The following PDE4D variants were observed in gnomAD, a reference collection of about 807,000 sequenced individuals.
PDE4D encodes 3',5'-cyclic-AMP phosphodiesterase 4D.
In PDE4D, 24 loss-of-function variants were observed where a neutral mutation model predicts 87.4. That is an observed-to-expected ratio of 0.27 (90% CI 0.20 to 0.39). The LOEUF (loss-of-function observed/expected upper bound fraction) is 0.39, where lower values mean the gene tolerates loss of function less well. Among genes scored for constraint, PDE4D ranks in the 10% least tolerant of loss-of-function variants. PDE4D has a pLI of 1.00. For synonymous variants in PDE4D, 384 were observed against 383.2 expected (o/e 1.00, Z -0.02); for missense variants, 714 against 1,041.0 (o/e 0.69, Z 4.32).
At chr5:60,492,136 AAAAAG>A (rs1325798775), upstream of PDE4D, among the ~76,000 whole-genome samples, 4 of 152,200 alleles carry the variant, frequency 2.6e-5, no homozygotes, top group African/African-American at 9.6e-5. Context: ...AAAAAAAAAA[AAAAAG>A]AAAATTGTCA....
At chr5:59,255,033 A>G (rs1210604238) in intron 1 of PDE4D, among the ~76,000 whole-genome samples, 3 of 152,124 alleles carry the variant, frequency 2.0e-5, no homozygotes, top group Admixed American at 6.6e-5. Flanking sequence ...TAGAGCTACC[A>G]TTTGTCCCAG....
At position 59,424,972 on chromosome 5, in the gene PDE4D, T is replaced by C. The variant is rs982709384; in HGVS notation, c.456-209004A>G. 3.3e-5 allele frequency among the ~76,000 whole-genome samples: 5 copies of C among 152,202 alleles called. No individual in the cohort carries two copies. In the South Asian group the frequency reaches 6.2e-4, roughly 19 times the overall value. On this transcript the variant is annotated intron_variant, in intron 1 of 14. Coordinates refer to ENST00000340635, the MANE Select transcript of PDE4D (RefSeq NM_001104631.2). ...CCACTACTTGAAAAGCATATCTCAA[T>C]GTTTATTACCTAGTCTGGAGCTACA...
At chr5:60,018,998 C>A (rs1477945348) in intron 2 of PDE4D, among the ~76,000 whole-genome samples, 1 of 152,160 alleles carries the variant, frequency 6.6e-6, no homozygotes, top group African/African-American at 2.4e-5. Flanking sequence ...TAGGTATCTG[C>A]AGAACTCTCC....
chr5:59,847,930 C>T (rs1301779953), intron 1 of PDE4D, among the ~76,000 whole-genome samples: 7 of 151,974 alleles, frequency 4.6e-5, no homozygotes, highest in East Asian at 3.9e-4. Flanking sequence ...ATCTGCTATG[C>T]GGGGCAGGAA....
chr5:59,554,803 T>C (rs80166955), intron 1 of PDE4D, among the ~76,000 whole-genome samples: 4,141 of 152,264 alleles, frequency 0.027, 193 homozygotes, highest in African/African-American at 0.094. Context: ...CTTTTCGATG[T>C]TCCACACCAT....
chr5:60,464,930 C>T (rs889847764), intron 1 of PDE4D, among the ~76,000 whole-genome samples: 1 of 151,924 alleles, frequency 6.6e-6, no homozygotes, highest in African/African-American at 2.4e-5. Flanking sequence ...AGTGAGATCC[C>T]ATCTCTATAA....
intron 1 of PDE4D, among the ~76,000 whole-genome samples, chr5:59,739,414 T>C (rs1561570298): frequency 6.6e-6 from 1 of 152,044 alleles, no homozygotes; most frequent in Admixed American, 6.6e-5. Flanking sequence ...AATGAGACTC[T>C]GTGTCAAAAC....
intron 1 of PDE4D, among the ~76,000 whole-genome samples, chr5:59,345,689 C>T (rs1779501463): frequency 6.6e-6 from 1 of 152,096 alleles, no homozygotes; most frequent in Non-Finnish European, 1.5e-5. Context: ...TTTAAGATGC[C>T]ATCACTGAAA....
intron 1 of PDE4D, among the ~76,000 whole-genome samples, chr5:60,300,382 G>A (rs1343960782): frequency 6.6e-6 from 1 of 151,374 alleles, no homozygotes; most frequent in African/African-American, 2.4e-5. Context: ...TTTTTTTGCT[G>A]TGCAGGGGCT....
chr5:59,675,931 A>G (rs1747997023), intron 1 of PDE4D, among the ~76,000 whole-genome samples: 1 of 152,124 alleles, frequency 6.6e-6, no homozygotes, highest in Admixed American at 6.6e-5. Context: ...GGCTCCAATT[A>G]TCCTTCCACC....
At chr5:60,192,823 C>A (rs1785302268) in intron 1 of PDE4D, among the ~76,000 whole-genome samples, 1 of 152,138 alleles carries the variant, frequency 6.6e-6, no homozygotes, top group Admixed American at 6.5e-5. Flanking sequence ...AGAAAAAATA[C>A]TTAAAAGTTG....
chr5:59,092,231 T>C (rs768392331), intron 5 of PDE4D, among the ~76,000 whole-genome samples: 87 of 152,352 alleles, frequency 5.7e-4, no homozygotes, highest in Non-Finnish European at 1.0e-3. Flanking sequence ...TGGCTGAATA[T>C]TCTTTTCTTC....
At chr5:59,394,433 C>T (rs1788914525) in intron 1 of PDE4D, among the ~76,000 whole-genome samples, 1 of 152,074 alleles carries the variant, frequency 6.6e-6, no homozygotes, top group African/African-American at 2.4e-5. Context: ...TTCTGACAGC[C>T]TGGTATTTTC....
At chr5:59,580,522 A>G (rs1400176637) in intron 1 of PDE4D, among the ~76,000 whole-genome samples, 1 of 152,030 alleles carries the variant, frequency 6.6e-6, no homozygotes, top group African/African-American at 2.4e-5. Flanking sequence ...GCTGGAGTGC[A>G]GTGGCATGAT....
chr5:59,774,504 T>C (rs1283342676), intron 1 of PDE4D, among the ~76,000 whole-genome samples: 2 of 152,124 alleles, frequency 1.3e-5, no homozygotes, highest in Non-Finnish European at 2.9e-5. Context: ...GAGCATATGA[T>C]GTGCTCTTCT....
intron 1 of PDE4D, among the ~76,000 whole-genome samples, chr5:60,357,010 G>A (rs184061874): frequency 7.2e-5 from 11 of 152,240 alleles, no homozygotes; most frequent in Admixed American, 2.6e-4. Context: ...GTTTTTACAG[G>A]TTAGGGAAAA....
At chr5:60,027,064 TTCTC>T (rs1412470967) in intron 2 of PDE4D, among the ~76,000 whole-genome samples, 1 of 152,134 alleles carries the variant, frequency 6.6e-6, no homozygotes, top group Non-Finnish European at 1.5e-5. Flanking sequence ...ATTTTTTTCC[TTCTC>T]TCTTTTTTTC....
chr5:60,247,256 C>T (rs1747891204), intron 1 of PDE4D, among the ~76,000 whole-genome samples: 1 of 151,878 alleles, frequency 6.6e-6, no homozygotes, highest in Non-Finnish European at 1.5e-5. Flanking sequence ...AGTGTTTATC[C>T]CTGGAGTTTT....
intron 1 of PDE4D, among the ~76,000 whole-genome samples, chr5:59,692,953 T>C (rs1174776357): frequency 6.6e-6 from 1 of 152,132 alleles, no homozygotes; most frequent in Non-Finnish European, 1.5e-5. Flanking sequence ...CAGACAAGTA[T>C]TCAAATAAGA....
Sources: gnomAD v4.1 joint callset for allele counts (sites outside exome capture counted in the v4.1 genomes callset) on GRCh38, gnomAD v4.1.1 for gene constraint, MANE v1.5 for transcripts, NCBI Gene and HGNC (gene_info 2026-07-23, HGNC 2026-07-21) for gene names.